Variants in DYTN observed in about 807,000 individuals in gnomAD.
DYTN encodes the protein dystrotelin.
DYTN carries 75 observed loss-of-function variants against 69.6 expected under a neutral mutation model. That is an observed-to-expected ratio of 1.08 (90% CI 0.89 to 1.31). The LOEUF (loss-of-function observed/expected upper bound fraction) is 1.31, where lower values mean the gene tolerates loss of function less well. Ranked by LOEUF, DYTN falls within the 50% of genes most tolerant of loss-of-function variation. The pLI, the probability that DYTN is intolerant of heterozygous loss-of-function variation, is 0.00. For synonymous variants in DYTN, 252 were observed against 249.1 expected (o/e 1.01, Z -0.11); for missense variants, 726 against 688.4 (o/e 1.05, Z -0.61).
At chr2:206,707,885 A>G (rs1019576170) in intron 2 of DYTN, among the ~76,000 whole-genome samples, 1 of 152,232 alleles carries the variant, frequency 6.6e-6, no homozygotes, top group African/African-American at 2.4e-5. Context: ...CTCTTCATTA[A>G]GTGGATTGAA....
At chr2:206,666,097 A>G in intron 9 of DYTN, 68 bp from the exon 10 acceptor site, 1 of 1,559,458 alleles carries the variant, frequency 6.4e-7, no homozygotes, top group Non-Finnish European at 8.7e-7. Flanking sequence ...GAGCCCTGGT[A>G]AGATGTATTC....
chr2:206,704,720 G>A, intron 5 of DYTN, 123 bp downstream of exon 5: 1 of 778,298 alleles, frequency 1.3e-6, no homozygotes, highest in Non-Finnish European at 2.1e-6. Context: ...GGCTATGGAG[G>A]AGAGAGCTTG....
intron 1 of DYTN, among the ~76,000 whole-genome samples, chr2:206,713,545 T>G (rs1389272529): frequency 6.6e-6 from 1 of 152,232 alleles, no homozygotes; most frequent in Non-Finnish European, 1.5e-5. Flanking sequence ...TGGCCATGTC[T>G]GAGAGCTTCT....
intron 1 of DYTN, among the ~76,000 whole-genome samples, chr2:206,717,320 G>A (rs1700139266): frequency 6.6e-6 from 1 of 152,160 alleles, no homozygotes; most frequent in Admixed American, 6.5e-5. Context: ...CCATCATCTA[G>A]TTCAATGATC....
chr2:206,678,413 G>C (rs1029719079), intron 9 of DYTN, among the ~76,000 whole-genome samples: 4 of 152,182 alleles, frequency 2.6e-5, no homozygotes, highest in African/African-American at 9.6e-5. Flanking sequence ...CCTTAAAAAT[G>C]TTTGTACTTT....
intron 9 of DYTN, among the ~76,000 whole-genome samples, chr2:206,671,536 A>C (rs1016904480): frequency 3.3e-5 from 5 of 152,226 alleles, no homozygotes; most frequent in African/African-American, 9.6e-5. Context: ...TAATAATTGC[A>C]GAATATCATG....
chr2:206,681,862 T>G (rs574280519), intron 9 of DYTN, among the ~76,000 whole-genome samples: 30 of 152,246 alleles, frequency 2.0e-4, no homozygotes, highest in African/African-American at 7.0e-4. Context: ...CTCTGCCAGG[T>G]TTTGGTATCA....
intron 9 of DYTN, among the ~76,000 whole-genome samples, chr2:206,674,423 G>T (rs931167881): frequency 6.6e-6 from 1 of 152,056 alleles, no homozygotes; most frequent in African/African-American, 2.4e-5. Flanking sequence ...AGACTATTAA[G>T]TTTGAACAAA....
At chr2:206,659,593 G>A (rs1394869316) in intron 11 of DYTN, among the ~76,000 whole-genome samples, 1 of 148,570 alleles carries the variant, frequency 6.7e-6, no homozygotes, top group Non-Finnish European at 1.5e-5. Context: ...AAAATACTTT[G>A]ATTTTGCTTG....
At chr2:206,668,821 A>C (rs540854554) in intron 9 of DYTN, among the ~76,000 whole-genome samples, 1 of 151,064 alleles carries the variant, frequency 6.6e-6, no homozygotes, top group Non-Finnish European at 1.5e-5. Context: ...AGTTTTCCCC[A>C]TGCTGTTCTC....
intron 1 of DYTN, among the ~76,000 whole-genome samples, chr2:206,714,348 G>A (rs552027081): frequency 2.0e-5 from 3 of 152,064 alleles, no homozygotes; most frequent in African/African-American, 4.8e-5. Flanking sequence ...GATTACAGGC[G>A]CACACCACCA....
intron 9 of DYTN, among the ~76,000 whole-genome samples, chr2:206,681,763 C>G (rs1180464871): frequency 6.6e-6 from 1 of 152,122 alleles, no homozygotes; most frequent in Admixed American, 6.6e-5. Flanking sequence ...CGATGTGCTG[C>G]TGGATTCAAT....
intron 9 of DYTN, among the ~76,000 whole-genome samples, chr2:206,669,872 A>C (rs1699611517): frequency 6.6e-6 from 1 of 152,188 alleles, no homozygotes. Context: ...CTGTACATTT[A>C]GATTAGGAAG....
intron 11 of DYTN, among the ~76,000 whole-genome samples, chr2:206,653,937 C>G (rs1428719763): frequency 1.3e-5 from 2 of 152,140 alleles, no homozygotes; most frequent in Non-Finnish European, 2.9e-5. Context: ...CTTTGCTCAC[C>G]CCTTGCCTTT....
chr2:206,664,379 G>A (rs189398133), intron 10 of DYTN, among the ~76,000 whole-genome samples: 13 of 152,256 alleles, frequency 8.5e-5, no homozygotes, highest in South Asian at 2.1e-4. Context: ...AGTTAAGGCC[G>A]GGCGCAGTGG....
At chr2:206,685,665 G>A (rs1179758823) in intron 9 of DYTN, among the ~76,000 whole-genome samples, 1 of 152,128 alleles carries the variant, frequency 6.6e-6, no homozygotes, top group East Asian at 1.9e-4. Context: ...ATCAAGTCAA[G>A]GACATTTTCC....
chr2:206,678,606 C>T (rs530718723), intron 9 of DYTN, among the ~76,000 whole-genome samples: 1 of 152,092 alleles, frequency 6.6e-6, no homozygotes, highest in South Asian at 2.1e-4. Context: ...ATTATATAAC[C>T]ATTAAGATGT....
At chr2:206,711,487 G>A (rs867269032) in intron 1 of DYTN, among the ~76,000 whole-genome samples, 46 of 152,058 alleles carry the variant, frequency 3.0e-4, no homozygotes, top group African/African-American at 1.1e-3. Context: ...TCCTCAAAGG[G>A]TATTTGCACA....
chr2:206,709,934 A>G (rs1216545173), intron 2 of DYTN, among the ~76,000 whole-genome samples: 1 of 152,206 alleles, frequency 6.6e-6, no homozygotes, highest in Non-Finnish European at 1.5e-5. Context: ...TGCCTAGATA[A>G]CAGTAGGAGA....
Sources: allele counts gnomAD v4.1 joint callset (sites outside exome capture counted in the v4.1 genomes callset), GRCh38; gene constraint gnomAD v4.1.1; transcripts MANE v1.5; gene names NCBI Gene and HGNC (gene_info 2026-07-23, HGNC 2026-07-21).